SGCZ: variants seen among roughly 807,000 people sequenced by gnomAD.
SGCZ encodes zeta-sarcoglycan.
In SGCZ, 40 loss-of-function variants were observed where a neutral mutation model predicts 41.3. The ratio of observed to expected loss-of-function variants is 0.97; its 90% CI spans 0.75 to 1.26. The LOEUF is 1.26. Ranked by LOEUF, SGCZ falls within the 50% of genes most tolerant of loss-of-function variation. SGCZ has a pLI of 0.00. For synonymous variants in SGCZ, 206 were observed against 137.5 expected (o/e 1.50, Z -3.49); for missense variants, 552 against 369.8 (o/e 1.49, Z -4.04).
chr8:14,723,704 A>G (rs991677161), intron 1 of SGCZ, among the ~76,000 whole-genome samples: 3 of 152,064 alleles, frequency 2.0e-5, no homozygotes, highest in East Asian at 3.9e-4. Flanking sequence ...ATGCATATAT[A>G]TGCATACATA....
At chr8:14,233,061 T>G (rs17118829) in intron 4 of SGCZ, among the ~76,000 whole-genome samples, 6,418 of 152,064 alleles carry the variant, frequency 0.042, 424 homozygotes, top group African/African-American at 0.14. Context: ...AGAATTTAAA[T>G]GAGGAATGCT....
At chr8:14,118,870 G>T (rs535418852) in intron 5 of SGCZ, among the ~76,000 whole-genome samples, 5 of 152,196 alleles carry the variant, frequency 3.3e-5, no homozygotes, top group Non-Finnish European at 5.9e-5. Context: ...TCAGATGGTT[G>T]TGGATGTGTG....
intron 2 of SGCZ, among the ~76,000 whole-genome samples, chr8:14,542,114 G>A (rs1193358639): frequency 1.3e-5 from 2 of 152,028 alleles, no homozygotes; most frequent in Non-Finnish European, 2.9e-5. Context: ...TTCTTTTGCT[G>A]AGCAGAAGCT....
chr8:14,555,842 A>G (rs28461743), intron 1 of SGCZ, among the ~76,000 whole-genome samples: 41,851 of 152,020 alleles, frequency 0.28, 7,278 homozygotes, highest in Non-Finnish European at 0.39. Flanking sequence ...TTATGTAGAC[A>G]ATAGCTATCA....
intron 1 of SGCZ, among the ~76,000 whole-genome samples, chr8:15,018,271 C>G (rs1371764932): frequency 5.9e-5 from 9 of 152,102 alleles, no homozygotes; most frequent in African/African-American, 2.2e-4. Flanking sequence ...TCAGAGATGT[C>G]TTCAAGATCA....
At chr8:14,184,731 A>C (rs1804848664) in intron 4 of SGCZ, among the ~76,000 whole-genome samples, 1 of 152,230 alleles carries the variant, frequency 6.6e-6, no homozygotes, top group Non-Finnish European at 1.5e-5. Context: ...AGCAGTGTTT[A>C]AGAAGAGAAG....
chr8:14,921,850 C>A (rs1799596852), intron 1 of SGCZ, among the ~76,000 whole-genome samples: 1 of 151,988 alleles, frequency 6.6e-6, no homozygotes, highest in African/African-American at 2.4e-5. Flanking sequence ...ATGGTGTGAA[C>A]AACTGAAAGA....
Position 14,189,264 on chromosome 8 carries a change from A to G in SGCZ, c.425-24562T>C, listed in dbSNP as rs927300199. Among the ~76,000 whole-genome samples the G allele has an allele frequency of 2.0e-5, 3 of 152,186 alleles. No individual in the cohort carries two copies. The East Asian group carries it at 5.8e-4, about 30-fold the overall frequency. ...TTTCCATCTTGTTGCTTTACTTCCCAATATATCTTCTTCACACAGAAGCCA... is the reference window on the plus strand; with the variant it reads ...TTTCCATCTTGTTGCTTTACTTCCCGATATATCTTCTTCACACAGAAGCCA... On this transcript the variant is annotated intron_variant, in intron 4 of 7. Transcript: ENST00000382080.
At chr8:14,370,544 A>C (rs1803874053) in intron 2 of SGCZ, among the ~76,000 whole-genome samples, 1 of 151,976 alleles carries the variant, frequency 6.6e-6, no homozygotes. Context: ...TTTGATACCT[A>C]AATCTTTATA....
intron 1 of SGCZ, among the ~76,000 whole-genome samples, chr8:15,007,590 A>T (rs1802652905): frequency 6.6e-6 from 1 of 152,208 alleles, no homozygotes; most frequent in Non-Finnish European, 1.5e-5. Context: ...TAAAATGGAG[A>T]TTCATGTTCC....
intron 1 of SGCZ, among the ~76,000 whole-genome samples, chr8:15,106,931 T>A (rs1806848474): frequency 6.6e-6 from 1 of 152,116 alleles, no homozygotes. Context: ...GATTTGGTGT[T>A]GAATTTTTTT....
chr8:14,479,902 C>T (rs1437538541), intron 2 of SGCZ, among the ~76,000 whole-genome samples: 6 of 106,964 alleles, frequency 5.6e-5, no homozygotes, highest in Non-Finnish European at 8.2e-5. Context: ...TGCACTAGCA[C>T]GCTCGACTAA....
intron 1 of SGCZ, among the ~76,000 whole-genome samples, chr8:15,031,935 C>CTCTCTCTCTG (rs1196694039): frequency 6.8e-6 from 1 of 148,032 alleles, no homozygotes; most frequent in Admixed American, 6.7e-5. Flanking sequence ...CTCTCTCTCT[C>CTCTCTCTCTG]TCTGTCTGTC....
At chr8:14,244,508 G>C (rs964743072) in intron 3 of SGCZ, among the ~76,000 whole-genome samples, 1 of 152,142 alleles carries the variant, frequency 6.6e-6, no homozygotes. Context: ...TTGTAGTACA[G>C]TTTGAAGTCA....
intron 1 of SGCZ, among the ~76,000 whole-genome samples, chr8:14,680,926 G>C (rs913369404): frequency 2.1e-5 from 2 of 96,730 alleles, no homozygotes; most frequent in African/African-American, 9.9e-5. Context: ...ATGGCAACTT[G>C]AAGAATCCAA....
intron 2 of SGCZ, among the ~76,000 whole-genome samples, chr8:14,334,424 G>A (rs1026934423): frequency 6.6e-6 from 1 of 152,046 alleles, no homozygotes; most frequent in Non-Finnish European, 1.5e-5. Context: ...CACCTAGTTA[G>A]CTACTCATCC....
chr8:14,441,566 C>T (rs865991430), intron 2 of SGCZ, among the ~76,000 whole-genome samples: 5 of 152,004 alleles, frequency 3.3e-5, no homozygotes, highest in African/African-American at 1.2e-4. Context: ...AGAGCAAGAC[C>T]CCATCTCAAA....
chr8:14,540,042 T>C (rs904803335), intron 2 of SGCZ, among the ~76,000 whole-genome samples: 4 of 151,820 alleles, frequency 2.6e-5, no homozygotes, highest in African/African-American at 9.7e-5. Flanking sequence ...AAATAAACTA[T>C]GAAGAATTTA....
At chr8:15,236,509 C>A (rs1398120458) in intron 1 of SGCZ, among the ~76,000 whole-genome samples, 6 of 152,070 alleles carry the variant, frequency 3.9e-5, no homozygotes, top group Admixed American at 1.3e-4. Flanking sequence ...AATAGTAGAA[C>A]GTACCAAATG....
Sources: allele counts gnomAD v4.1 joint callset (sites outside exome capture counted in the v4.1 genomes callset), GRCh38; gene constraint gnomAD v4.1.1; transcripts MANE v1.5; gene names NCBI Gene and HGNC (gene_info 2026-07-23, HGNC 2026-07-21).